The following MYO5B variants were observed in gnomAD, a reference collection of about 807,000 sequenced individuals.
MYO5B encodes myosin VB, also known as unconventional myosin-Vb.
Under a neutral mutation model 229.3 loss-of-function variants are expected in MYO5B, and 143 were observed. That is an observed-to-expected ratio of 0.62 (90% CI 0.54 to 0.72). MYO5B has a LOEUF of 0.72. MYO5B is among the 30% of genes least tolerant of loss of function. MYO5B has a pLI of 0.00. For synonymous variants in MYO5B, 918 were observed against 885.2 expected (o/e 1.04, Z -0.66); for missense variants, 2,321 against 2,331.0 (o/e 1.00, Z 0.09).
intron 28 of MYO5B, 127 bp from the exon 29 acceptor site, chr18:49,863,454 C>T: frequency 1.3e-6 from 1 of 781,934 alleles, no homozygotes; most frequent in South Asian, 1.5e-5. Flanking sequence ...GAGATAACCA[C>T]AATCAAACCC....
intron 9 of MYO5B, among the ~76,000 whole-genome samples, chr18:49,976,132 G>A (rs2025748227): frequency 6.6e-6 from 1 of 152,224 alleles, no homozygotes; most frequent in South Asian, 2.1e-4. Flanking sequence ...TATTAACGCT[G>A]AGGCTGAAAG....
intron 5 of MYO5B, among the ~76,000 whole-genome samples, chr18:49,999,036 T>C (rs1202554468): frequency 6.6e-6 from 1 of 152,198 alleles, no homozygotes; most frequent in Non-Finnish European, 1.5e-5. Flanking sequence ...TTGTAAAAAA[T>C]TTCCCCATGT....
In MYO5B at chr18:49,904,740, C is replaced by G. The variant is rs1224328865; in HGVS notation, c.2503G>C (p.Val835Leu). The G allele has an allele frequency of 6.2e-7, 1 of 1,613,908 alleles. No homozygotes were observed. The highest frequency in any genetic ancestry group is 1.3e-5 in the African/African-American group (1 of 74,914). The part of the protein sequence containing the change: ...MQRARQAYQR[V>L]RRAAVVIQAF... ...TGGATAACAACGGCAGCTCTGCGGA[C>G]CCTCTGGTAGGCCTGGCGGGCCCTC... Residue 835 changes from valine (V) to leucine (L), a missense_variant, in exon 20 of 40, where the codon GTC becomes CTC. Around this residue, in one of 2 missense-constraint regions of MYO5B, gnomAD observed 2,113 missense variants for 2,044.7 expected, o/e 1.03. Transcript: ENST00000285039.
At chr18:50,183,306 C>CATATAT (rs71169486) in intron 1 of MYO5B, among the ~76,000 whole-genome samples, 4,681 of 109,222 alleles carry the variant, frequency 0.043, 157 homozygotes, top group African/African-American at 0.061. Flanking sequence ...TCAATTTTAT[C>CATATAT]ATATATATAT....
At chr18:49,922,714 C>T (rs963853540) in intron 17 of MYO5B, among the ~76,000 whole-genome samples, 1 of 151,758 alleles carries the variant, frequency 6.6e-6, no homozygotes, top group African/African-American at 2.4e-5. Context: ...AATTAGAGAA[C>T]AGTTCCTGTG....
Position 49,895,012 on chromosome 18 carries a change from G to C in MYO5B, c.2974C>G (p.Leu992Val). ...QEEVESLRTE[L>V]QRAHSERKIL... ...TTGCGCTCCGAGTGGGCCCTCTGCA[G>C]CTCTGTGCGCAGGCTCTCCACCTCC... is the stretch of plus-strand genomic sequence containing the variant. The change falls in exon 22 of 40, where the codon CTG (leucine) becomes GTG (valine). Residue 992 changes from leucine (L) to valine (V), a missense_variant. Physicochemically the swap from Leu to Val is conservative, Grantham distance 32 (BLOSUM62 1). Transcript: ENST00000285039. The C allele has an allele frequency of 6.2e-7, 1 of 1,613,936 alleles. No homozygotes were observed. Among genetic ancestry groups the C allele is most frequent in the African/African-American group, 1.3e-5 (1 of 75,050 alleles).
At chr18:49,859,308 A>G (rs2024300835) in intron 29 of MYO5B, among the ~76,000 whole-genome samples, 1 of 152,246 alleles carries the variant, frequency 6.6e-6, no homozygotes, top group Non-Finnish European at 1.5e-5. Flanking sequence ...GATCTTATAA[A>G]AAGCCAGACA....
intron 10 of MYO5B, among the ~76,000 whole-genome samples, chr18:49,963,918 G>T (rs1228335493): frequency 6.6e-6 from 1 of 152,148 alleles, no homozygotes; most frequent in Non-Finnish European, 1.5e-5. Flanking sequence ...CCCCTCGCAA[G>T]CCCCAGAGGG....
intron 17 of MYO5B, among the ~76,000 whole-genome samples, chr18:49,915,625 G>C (rs200689125): frequency 6.6e-6 from 1 of 152,230 alleles, no homozygotes; most frequent in Non-Finnish European, 1.5e-5. Flanking sequence ...TTGAGTTGCT[G>C]ATTATCTCTG....
chr18:50,188,321 C>T (rs184626313), intron 1 of MYO5B, among the ~76,000 whole-genome samples: 18 of 152,090 alleles, frequency 1.2e-4, no homozygotes, highest in African/African-American at 2.4e-4. Flanking sequence ...AAGCCTTTCC[C>T]GCAATACTGT....
At chr18:50,064,684 C>T (rs1399313588) in intron 1 of MYO5B, among the ~76,000 whole-genome samples, 1 of 152,146 alleles carries the variant, frequency 6.6e-6, no homozygotes, top group South Asian at 2.1e-4. Flanking sequence ...TATAAAAGAC[C>T]AGTATATTGC....
intron 31 of MYO5B, among the ~76,000 whole-genome samples, chr18:49,852,629 C>T (rs910469059): frequency 6.6e-6 from 1 of 152,106 alleles, no homozygotes; most frequent in Non-Finnish European, 1.5e-5. Flanking sequence ...TCTACAGGCA[C>T]GTTCAGCTCC....
At chr18:50,149,335 T>G (rs1337846962) in intron 1 of MYO5B, among the ~76,000 whole-genome samples, 18 of 151,176 alleles carry the variant, frequency 1.2e-4, no homozygotes, top group African/African-American at 4.1e-4. Context: ...AAAAAACTAC[T>G]TTAAAGTTCA....
intron 1 of MYO5B, among the ~76,000 whole-genome samples, chr18:50,159,560 G>A (rs893174871): frequency 1.3e-5 from 2 of 152,066 alleles, no homozygotes; most frequent in African/African-American, 2.4e-5. Flanking sequence ...CCAGGCCACC[G>A]TGCTTCTCAT....
intron 1 of MYO5B, among the ~76,000 whole-genome samples, chr18:50,188,809 A>C (rs1317962819): frequency 2.5e-4 from 18 of 70,988 alleles, no homozygotes; most frequent in Non-Finnish European, 4.6e-4. Flanking sequence ...AAAAAAAAAA[A>C]AAAAAAAACA....
At chr18:49,964,926 G>C (rs1244302503) in intron 10 of MYO5B, among the ~76,000 whole-genome samples, 1 of 152,208 alleles carries the variant, frequency 6.6e-6, no homozygotes, top group Non-Finnish European at 1.5e-5. Flanking sequence ...CCTCCCTCAG[G>C]CCATGCTGGC....
chr18:50,116,369 AC>A (rs1476489410), intron 1 of MYO5B, among the ~76,000 whole-genome samples: 44 of 152,172 alleles, frequency 2.9e-4, no homozygotes, highest in African/African-American at 1.0e-3. Context: ...CTAAATGAAC[AC>A]CTGGGAAGCA....
At position 49,973,977 on chromosome 18, in the gene MYO5B, C is replaced by G. The variant is rs186124962; in HGVS notation, c.1322+373G>C. 4.1e-3 allele frequency among the ~76,000 whole-genome samples: 632 copies of G among 152,294 alleles called. 5 individuals carry two copies. Among genetic ancestry groups the G allele is most frequent in the African/African-American group, 0.015 (606 of 41,562 alleles). On this transcript the variant is annotated intron_variant, in intron 10 of 39. Transcript: ENST00000285039. Reference sequence around the variant, plus strand: ...ATTGAAATAAAACATTACTGAGATACAGAACTTGAATTTAAGTTCCATTTC... The same window carrying G: ...ATTGAAATAAAACATTACTGAGATAGAGAACTTGAATTTAAGTTCCATTTC...
At chr18:50,011,953 G>A (rs2026165286) in intron 4 of MYO5B, among the ~76,000 whole-genome samples, 1 of 152,034 alleles carries the variant, frequency 6.6e-6, no homozygotes, top group East Asian at 1.9e-4. Flanking sequence ...GTGCCAGGCT[G>A]TGTAAAGAGT....
Sources: gnomAD v4.1 joint callset for allele counts (sites outside exome capture counted in the v4.1 genomes callset) on GRCh38, gnomAD v4.1.1 for gene constraint, gnomAD v4.1.1 regional missense constraint, MANE v1.5 for transcripts, NCBI Gene and HGNC (gene_info 2026-07-23, HGNC 2026-07-21) for gene names.